Variants in NEURL1 observed in about 807,000 individuals in gnomAD.
The protein encoded by NEURL1 is neuralized E3 ubiquitin protein ligase 1.
In NEURL1, 26 loss-of-function variants were observed where a neutral mutation model predicts 41.2. The observed-to-expected ratio is 0.63, with a 90% CI of 0.46 to 0.87. The LOEUF (loss-of-function observed/expected upper bound fraction) is 0.87. Ranked by LOEUF, NEURL1 falls within the 40% of genes least tolerant of loss-of-function variation. The pLI, the probability that NEURL1 is intolerant of heterozygous loss-of-function variation, is 0.00. For synonymous variants in NEURL1, 400 were observed against 402.3 expected, an observed-to-expected ratio of 0.99 and a Z score of 0.07; for missense variants, 761 against 871.1, an observed-to-expected ratio of 0.87 and a Z score of 1.59.
At chr10:103,562,563 A>G (rs566122637) in intron 1 of NEURL1, among the ~76,000 whole-genome samples, 1 of 152,318 alleles carries the variant, frequency 6.6e-6, no homozygotes, top group South Asian at 2.1e-4. Flanking sequence ...TAGAACCAAA[A>G]TCATTCTGGA....
At chr10:103,553,866 C>T (rs1235250853) in intron 1 of NEURL1, among the ~76,000 whole-genome samples, 1 of 152,212 alleles carries the variant, frequency 6.6e-6, no homozygotes, top group African/African-American at 2.4e-5. Context: ...GGCTGGTGTC[C>T]AGGCCAGGGC....
intron 1 of NEURL1, among the ~76,000 whole-genome samples, chr10:103,551,608 A>G (rs1029510749): frequency 1.1e-4 from 17 of 152,112 alleles, no homozygotes; most frequent in Admixed American, 2.6e-4. Flanking sequence ...CCGGCCCCAA[A>G]TGAAATTTTA....
At chr10:103,563,025 T>C (rs1592225341) in intron 1 of NEURL1, among the ~76,000 whole-genome samples, 1 of 152,158 alleles carries the variant, frequency 6.6e-6, no homozygotes, top group African/African-American at 2.4e-5. Flanking sequence ...TCCTAAATCC[T>C]TTCCCCCAGA....
chr10:103,498,827 G>C (rs1258944223), intron 1 of NEURL1, among the ~76,000 whole-genome samples: 1 of 152,174 alleles, frequency 6.6e-6, no homozygotes, highest in South Asian at 2.1e-4. Flanking sequence ...CTTTTACTTA[G>C]CATAATCTTT....
At chr10:103,514,258 T>C (rs1009357608) in intron 1 of NEURL1, among the ~76,000 whole-genome samples, 15 of 151,988 alleles carry the variant, frequency 9.9e-5, no homozygotes, top group African/African-American at 3.6e-4. Flanking sequence ...CCAGCTAATT[T>C]TTTTTGTATT....
At chr10:103,570,615 T>A (rs1483441490) in intron 1 of NEURL1, among the ~76,000 whole-genome samples, 3 of 21,712 alleles carry the variant, frequency 1.4e-4, no homozygotes, top group Admixed American at 5.7e-4. Flanking sequence ...TGGGAGAGGG[T>A]GGGGGTGGGA....
intron 1 of NEURL1, among the ~76,000 whole-genome samples, chr10:103,539,606 A>G (rs112088768): frequency 2.2e-4 from 33 of 152,312 alleles, no homozygotes; most frequent in African/African-American, 7.9e-4. Flanking sequence ...ACCAGGGAAG[A>G]CACTCCCAGC....
chr10:103,543,504 C>T (rs1251589485), intron 1 of NEURL1, among the ~76,000 whole-genome samples: 1 of 152,240 alleles, frequency 6.6e-6, no homozygotes, highest in Non-Finnish European at 1.5e-5. Context: ...TCCCTCCCTC[C>T]TCCTCCTCTT....
At chr10:103,555,238 G>T (rs922341012) in intron 1 of NEURL1, 2 of 909,806 alleles carry the variant, frequency 2.2e-6, no homozygotes, top group African/African-American at 3.6e-5. Flanking sequence ...GCGTGGGGGC[G>T]CGGGAGGGGC....
At chr10:103,534,974 C>T (rs77524263) in intron 1 of NEURL1, among the ~76,000 whole-genome samples, 2,871 of 152,210 alleles carry the variant, frequency 0.019, 91 homozygotes, top group African/African-American at 0.066. Context: ...GGCCTGACTC[C>T]TGGGAAGAAG....
In NEURL1 at chr10:103,556,054, G is replaced by T. The variant is rs372424937; in HGVS notation, c.86-14818G>T. Among the ~76,000 whole-genome samples the T allele has an allele frequency of 2.0e-5, 3 of 152,224 alleles. No homozygotes were observed. Among genetic ancestry groups the T allele is most frequent in the South Asian group, 2.1e-4 (1 of 4,834 alleles). ...ACAGCACCCCACAGCGCCTGACCTC[G>T]CTTCTCCAAGTGTGTGCTCTGTGGG... On this transcript the variant is annotated intron_variant, in intron 1 of 5. Coordinates refer to ENST00000369780, the MANE Select transcript of NEURL1 (RefSeq NM_004210.5). This position sits in a 1 kb window ranked among gnomAD's most constrained non-coding sequence, Gnocchi z 4.4.
chr10:103,533,543 AT>A (rs1245619011), intron 1 of NEURL1, among the ~76,000 whole-genome samples: 38 of 116,960 alleles, frequency 3.2e-4, no homozygotes, highest in Middle Eastern at 6.0e-3. Context: ...CTAATTTTGT[AT>A]TTTTTTTTTT....
Position 103,494,687 on chromosome 10 carries a change from G to A in NEURL1, c.85+215G>A, listed in dbSNP as rs2033641620. ...GGGGTCTGCGCAGTTCTGTCTGCTGGCACTGGGAACGTCACTGGAGTCCCC... is the reference window on the plus strand; with the variant it reads ...GGGGTCTGCGCAGTTCTGTCTGCTGACACTGGGAACGTCACTGGAGTCCCC... On this transcript the variant is annotated intron_variant, in intron 1 of 5. Transcript: ENST00000369780. 11 of 544,630 alleles carry A rather than the reference G, an allele frequency of 2.0e-5. No homozygotes were observed. In the East Asian group the frequency reaches 3.4e-4, roughly 17 times the overall value. The allele number at this position is 544,630 out of a possible 1,614,324, so 33.7% of individuals were successfully genotyped here.
intron 1 of NEURL1, among the ~76,000 whole-genome samples, chr10:103,544,028 G>C (rs985394047): frequency 6.6e-6 from 1 of 152,188 alleles, no homozygotes; most frequent in South Asian, 2.1e-4. Flanking sequence ...CCTGATGCTC[G>C]GGAGCCACAG....
intron 3 of NEURL1, 143 bp from the exon 4 acceptor site, chr10:103,584,393 T>G: frequency 4.3e-6 from 2 of 467,722 alleles, no homozygotes; most frequent in Admixed American, 4.5e-5. Context: ...CTTGACTGTG[T>G]TCGCTAATTT....
In NEURL1 at chr10:103,514,585, T is replaced by C. The variant is rs181849786; in HGVS notation, c.85+20113T>C. Among the ~76,000 whole-genome samples the C allele has an allele frequency of 1.2e-3, 185 of 152,252 alleles. 1 individual carries two copies. The highest frequency in any genetic ancestry group is 3.3e-3 in the Admixed American group (50 of 15,296). ...AAAAGTTTGTCTGGGGAAGTCCTCC[T>C]GCTCAGACCCCCAGCCCTGCAGAGA... On this transcript the variant is annotated intron_variant, in intron 1 of 5. Transcript: ENST00000369780.
chr10:103,526,849 G>A (rs911416714), intron 1 of NEURL1, among the ~76,000 whole-genome samples: 4 of 151,988 alleles, frequency 2.6e-5, no homozygotes, highest in Admixed American at 2.0e-4. Context: ...CCAGGTTATA[G>A]CGACTAGGCT....
At chr10:103,552,249 T>C (rs2035046306) in intron 1 of NEURL1, among the ~76,000 whole-genome samples, 1 of 152,198 alleles carries the variant, frequency 6.6e-6, no homozygotes, top group South Asian at 2.1e-4. Flanking sequence ...GTTGCCTCCC[T>C]GCTGCAGGAC....
intron 1 of NEURL1, among the ~76,000 whole-genome samples, chr10:103,529,793 T>C (rs369172711): frequency 1.1e-4 from 17 of 152,348 alleles, no homozygotes; most frequent in African/African-American, 4.1e-4. Context: ...AGTTGGCCAA[T>C]TGATGCTGCA....
Sources: allele counts gnomAD v4.1 joint callset (sites outside exome capture counted in the v4.1 genomes callset), GRCh38; gene constraint gnomAD v4.1.1; non-coding constraint Gnocchi (gnomAD v3.1); transcripts MANE v1.5; gene names NCBI Gene and HGNC (gene_info 2026-07-23, HGNC 2026-07-21).